SHROOM3: variants seen among roughly 807,000 people sequenced by gnomAD.
The protein encoded by SHROOM3 is protein Shroom3.
In SHROOM3, 47 loss-of-function variants were observed where a neutral mutation model predicts 138.6. That is an observed-to-expected ratio of 0.34 (90% CI 0.27 to 0.43). The LOEUF (loss-of-function observed/expected upper bound fraction) is 0.43, where lower values mean the gene tolerates loss of function less well. Ranked by LOEUF, SHROOM3 falls within the 20% of genes least tolerant of loss-of-function variation. The pLI, the probability that SHROOM3 is intolerant of heterozygous loss-of-function variation, is 1.00. For synonymous variants in SHROOM3, 1,062 were observed against 1,063.3 expected (o/e 1.00, Z 0.02); for missense variants, 2,491 against 2,596.5 (o/e 0.96, Z 0.88).
intron 1 of SHROOM3, among the ~76,000 whole-genome samples, chr4:76,484,081 A>G (rs1731676851): frequency 6.6e-6 from 1 of 152,182 alleles, no homozygotes; most frequent in South Asian, 2.1e-4. Flanking sequence ...ATCATGGAAC[A>G]TGTACATCTA....
rs1722730783 is a variant in SHROOM3, at chr4:76,781,295, T to G, written c.*2118T>G. The G allele has an allele frequency of 6.6e-6, 1 of 151,866 alleles. No individual in the cohort carries two copies. Among genetic ancestry groups the G allele is most frequent in the South Asian group, 2.1e-4 (1 of 4,802 alleles). 9.4% of individuals were successfully genotyped at this position (151,866 alleles called of 1,614,324 possible). On this transcript the variant is annotated 3_prime_UTR_variant, in exon 11 of 11. Transcript: ENST00000296043. ...GGTGTGCACCACTATGCTTGGCTAA[T>G]TTTTTGATTTTTTATAGAGACGGGG...
rs76891801 is a variant in SHROOM3, at chr4:76,738,076, G to A, written c.588-685G>A. ...CCACAGGTGTTGGAATCCCAGCACCGAAGAGCCCCTGTGATTAAGCCTTCT... is the reference window on the plus strand; with the variant it reads ...CCACAGGTGTTGGAATCCCAGCACCAAAGAGCCCCTGTGATTAAGCCTTCT... On this transcript the variant is annotated intron_variant, in intron 4 of 10. Coordinates refer to ENST00000296043, the MANE Select transcript of SHROOM3 (RefSeq NM_020859.4). Among the ~76,000 whole-genome samples the A allele has an allele frequency of 2.4e-3, 364 of 152,134 alleles. 2 individuals carry two copies. Among genetic ancestry groups the A allele is most frequent in the African/African-American group, 8.2e-3 (342 of 41,508 alleles).
chr4:76,609,809 T>G (rs1256444580), intron 2 of SHROOM3, among the ~76,000 whole-genome samples: 1 of 152,208 alleles, frequency 6.6e-6, no homozygotes, highest in African/African-American at 2.4e-5. Flanking sequence ...CCATTATGTA[T>G]TCTGTCTGGA....
chr4:76,757,322 C>A (rs1434619608), intron 8 of SHROOM3, among the ~76,000 whole-genome samples: 1 of 152,182 alleles, frequency 6.6e-6, no homozygotes, highest in African/African-American at 2.4e-5. Context: ...TCACCAAGGT[C>A]ATTGAACATG....
chr4:76,714,266 C>G (rs963930182), intron 3 of SHROOM3, among the ~76,000 whole-genome samples: 11 of 152,198 alleles, frequency 7.2e-5, no homozygotes, highest in African/African-American at 2.7e-4. Context: ...GTTCTAGGAT[C>G]CCACATTGTG....
intron 2 of SHROOM3, among the ~76,000 whole-genome samples, chr4:76,628,347 G>T (rs1233881522): frequency 6.6e-6 from 1 of 152,140 alleles, no homozygotes; most frequent in Non-Finnish European, 1.5e-5. Flanking sequence ...TAAATTCAAA[G>T]AGAGCAAGGT....
intron 3 of SHROOM3, among the ~76,000 whole-genome samples, chr4:76,727,929 G>A (rs897382188): frequency 2.3e-4 from 34 of 147,170 alleles, no homozygotes; most frequent in East Asian, 1.2e-3. Context: ...CAAGGTGGGC[G>A]GATCACTTGA....
chr4:76,677,491 T>C (rs1264952308), intron 2 of SHROOM3, among the ~76,000 whole-genome samples: 1 of 152,178 alleles, frequency 6.6e-6, no homozygotes. Context: ...AGAAAGAAAG[T>C]ATATAAATAA....
At chr4:76,713,880 A>AGTGTACCTCCTAATTTTC (rs1268156428) in intron 3 of SHROOM3, among the ~76,000 whole-genome samples, 1 of 152,170 alleles carries the variant, frequency 6.6e-6, no homozygotes, top group African/African-American at 2.4e-5. Context: ...GCCCTATGTT[A>AGTGTACCTCCTAATTTTC]GTGTACCTCC....
chr4:76,436,845 A>G (rs949837958), intron 1 of SHROOM3, among the ~76,000 whole-genome samples: 2 of 152,250 alleles, frequency 1.3e-5, no homozygotes, highest in Admixed American at 6.5e-5. Context: ...AGTCATACCA[A>G]TGAAATATTT....
intron 3 of SHROOM3, among the ~76,000 whole-genome samples, chr4:76,729,135 G>A (rs1720797672): frequency 6.6e-6 from 1 of 152,134 alleles, no homozygotes; most frequent in Non-Finnish European, 1.5e-5. Context: ...TCCGTCAATA[G>A]GTTCTACTAT....
At chr4:76,507,341 A>G (rs1732232488) in intron 1 of SHROOM3, among the ~76,000 whole-genome samples, 1 of 152,160 alleles carries the variant, frequency 6.6e-6, no homozygotes, top group Non-Finnish European at 1.5e-5. Context: ...CTGTTTTCCA[A>G]AGCAGCTGCA....
rs1028473029 is a variant in SHROOM3, at chr4:76,451,177, T to C, written c.168+14957T>C. 1.1e-4 allele frequency among the ~76,000 whole-genome samples: 17 copies of C among 152,200 alleles called. 1 individual carries two copies. Among genetic ancestry groups the C allele is most frequent in the Non-Finnish European group, 4.4e-5 (3 of 68,038 alleles). Reference sequence around the variant, plus strand: ...GTTGGCCAGACTGGTCTTGAACTCCTGACCTCAGATGATCCACCTGCCTCA... The same window carrying C: ...GTTGGCCAGACTGGTCTTGAACTCCCGACCTCAGATGATCCACCTGCCTCA... On this transcript the variant is annotated intron_variant, in intron 1 of 10. Transcript: ENST00000296043.
At chr4:76,499,602 G>A (rs2109998459) in intron 1 of SHROOM3, among the ~76,000 whole-genome samples, 1 of 152,288 alleles carries the variant, frequency 6.6e-6, no homozygotes, top group Non-Finnish European at 1.5e-5. Context: ...TCTGGGTTCT[G>A]CTTTTAAGGA....
chr4:76,670,809 C>T (rs559753628), intron 2 of SHROOM3, among the ~76,000 whole-genome samples: 91 of 152,074 alleles, frequency 6.0e-4, no homozygotes, highest in African/African-American at 1.9e-3. Flanking sequence ...AAAAATTAGC[C>T]GGGCATGGTG....
At chr4:76,459,434 TC>T (rs1215220146) in intron 1 of SHROOM3, among the ~76,000 whole-genome samples, 1 of 152,188 alleles carries the variant, frequency 6.6e-6, no homozygotes, top group Admixed American at 6.5e-5. Flanking sequence ...AAAGGATTCT[TC>T]CGCTTGCCAA....
At chr4:76,610,264 C>T (rs1463712622) in intron 2 of SHROOM3, among the ~76,000 whole-genome samples, 1 of 152,160 alleles carries the variant, frequency 6.6e-6, no homozygotes, top group Non-Finnish European at 1.5e-5. Flanking sequence ...GAGTGATATG[C>T]CATCGAGGTA....
At chr4:76,468,545 A>G (rs1731294751) in intron 1 of SHROOM3, among the ~76,000 whole-genome samples, 1 of 151,448 alleles carries the variant, frequency 6.6e-6, no homozygotes, top group South Asian at 2.1e-4. Flanking sequence ...TTATTTTTAA[A>G]TTATTATGTT....
chr4:76,514,156 C>T (rs1284358523), intron 1 of SHROOM3, among the ~76,000 whole-genome samples: 1 of 152,144 alleles, frequency 6.6e-6, no homozygotes, highest in African/African-American at 2.4e-5. Flanking sequence ...CCAGGAATTG[C>T]ACTGCTAGGT....
Sources: allele counts gnomAD v4.1 joint callset (sites outside exome capture counted in the v4.1 genomes callset), GRCh38; gene constraint gnomAD v4.1.1; transcripts MANE v1.5; gene names NCBI Gene and HGNC (gene_info 2026-07-23, HGNC 2026-07-21).